Variants in CAST observed in about 807,000 individuals in gnomAD.
CAST encodes the protein calpastatin.
A neutral mutation model predicts 119.6 loss-of-function variants in CAST; 76 were observed. The ratio of observed to expected loss-of-function variants is 0.64; its 90% confidence interval spans 0.53 to 0.77. The LOEUF is 0.77. Ranked by LOEUF, CAST falls within the 30% of genes least tolerant of loss-of-function variation. The pLI, the probability that CAST is intolerant of heterozygous loss-of-function variation, is 0.00. For synonymous variants in CAST, 319 were observed against 331.6 expected (o/e 0.96, Z 0.41); for missense variants, 953 against 946.5 (o/e 1.01, Z -0.09).
At chr5:96,587,926 T>A (rs932617718) in intron 1 of CAST, among the ~76,000 whole-genome samples, 2 of 152,180 alleles carry the variant, frequency 1.3e-5, no homozygotes, top group Admixed American at 1.3e-4. Context: ...CTCTATGAGA[T>A]CATATGTGCA....
At chr5:96,656,446 C>T (rs976567286) in intron 1 of CAST, among the ~76,000 whole-genome samples, 1 of 152,210 alleles carries the variant, frequency 6.6e-6, no homozygotes, top group African/African-American at 2.4e-5. Flanking sequence ...CGTAAGGAAG[C>T]TCAGCCCTCT....
At chr5:96,757,391 C>T in intron 22 of CAST, 53 bp from the exon 23 acceptor site, 10 of 1,513,256 alleles carry the variant, frequency 6.6e-6, no homozygotes, top group Non-Finnish European at 9.2e-6. Context: ...AGGTTTCATA[C>T]TTTGGATAAA....
intron 1 of CAST, among the ~76,000 whole-genome samples, chr5:96,533,929 T>A (rs1390561192): frequency 6.6e-6 from 1 of 152,194 alleles, no homozygotes; most frequent in Non-Finnish European, 1.5e-5. Context: ...AGACTATGGT[T>A]AGTCAAACTT....
chr5:96,683,831 A>G (rs879468581), intron 2 of CAST, among the ~76,000 whole-genome samples: 3 of 152,250 alleles, frequency 2.0e-5, no homozygotes, highest in Non-Finnish European at 4.4e-5. Flanking sequence ...TTATGTAGAC[A>G]TTAAAGCAAT....
chr5:96,606,291 T>C (rs1252561074), intron 1 of CAST, among the ~76,000 whole-genome samples: 1 of 152,246 alleles, frequency 6.6e-6, no homozygotes, highest in Non-Finnish European at 1.5e-5. Flanking sequence ...TTAACCAGTA[T>C]TTAAACCGTA....
the CAST span, among the ~76,000 whole-genome samples, chr5:96,049,234 A>C: frequency 6.6e-6 from 1 of 152,200 alleles, no homozygotes; most frequent in Non-Finnish European, 1.5e-5. Context: ...ATTTTAAAAA[A>C]AGAAGAGCTG....
At chr5:96,469,889 T>TAATATATATATATAC in the CAST span, among the ~76,000 whole-genome samples, 4 of 145,172 alleles carry the variant, frequency 2.8e-5, no homozygotes, top group African/African-American at 1.0e-4. Flanking sequence ...AATATATATA[T>TAATATATATATATAC]ACACACACAT....
At chr5:96,743,823 C>A (rs1158393303) in intron 16 of CAST, 3 of 981,500 alleles carry the variant, frequency 3.1e-6, no homozygotes, top group Non-Finnish European at 4.5e-6. Flanking sequence ...CCGACAGAAG[C>A]AGTGTCATCT....
the CAST span, among the ~76,000 whole-genome samples, chr5:96,057,850 T>C: frequency 2.0e-5 from 3 of 152,180 alleles, no homozygotes; most frequent in East Asian, 5.8e-4. Context: ...CATTTATCTA[T>C]GTTAGATGTT....
intron 1 of CAST, among the ~76,000 whole-genome samples, chr5:96,534,387 G>A (rs955035473): frequency 1.3e-4 from 12 of 90,900 alleles, no homozygotes; most frequent in African/African-American, 4.2e-4. Flanking sequence ...GTCCTGTTTC[G>A]GTGAAGTATA....
At chr5:96,691,322 A>G (rs1345784221) in intron 2 of CAST, among the ~76,000 whole-genome samples, 1 of 152,166 alleles carries the variant, frequency 6.6e-6, no homozygotes, top group Non-Finnish European at 1.5e-5. Context: ...AACCTAACAA[A>G]GCTTGAAAGC....
the CAST span, among the ~76,000 whole-genome samples, chr5:96,512,855 T>C: frequency 2.0e-5 from 3 of 152,202 alleles, no homozygotes; most frequent in South Asian, 4.1e-4. Flanking sequence ...TTTTCAGATA[T>C]TAGGAACACA....
chr5:96,041,904 A>G, the CAST span, among the ~76,000 whole-genome samples: 1 of 152,144 alleles, frequency 6.6e-6, no homozygotes, highest in Admixed American at 6.6e-5. Context: ...TTCCAGAGGT[A>G]GAGCCAGTGA....
At chr5:96,306,815 T>G in the CAST span, among the ~76,000 whole-genome samples, 36,637 of 152,134 alleles carry the variant, frequency 0.24, 5,192 homozygotes, top group East Asian at 0.33. Flanking sequence ...TCTGAGAGAC[T>G]GTTTCTTATG....
chr5:96,652,390 A>T (rs1748106004), intron 1 of CAST, among the ~76,000 whole-genome samples: 1 of 152,236 alleles, frequency 6.6e-6, no homozygotes, highest in Non-Finnish European at 1.5e-5. Flanking sequence ...TTAAACAAAG[A>T]TAATTGGTGT....
intron 1 of CAST, among the ~76,000 whole-genome samples, chr5:96,577,431 T>G (rs1408336738): frequency 6.6e-6 from 1 of 152,070 alleles, no homozygotes. Flanking sequence ...GTCTGGGGCT[T>G]ATTTTTCTCT....
At chr5:96,434,178 G>C in the CAST span, 1 of 152,226 alleles carries the variant, frequency 6.6e-6, no homozygotes, top group African/African-American at 2.4e-5. Flanking sequence ...ATGGTTTCCT[G>C]TGGGAGGAGA....
At chr5:96,604,919 C>T (rs911587806) in intron 1 of CAST, among the ~76,000 whole-genome samples, 1 of 152,160 alleles carries the variant, frequency 6.6e-6, no homozygotes, top group African/African-American at 2.4e-5. Flanking sequence ...GCTGCCTTGC[C>T]ACTTGTCCAG....
chr5:96,621,410 A>G (rs1231283642), intron 1 of CAST, among the ~76,000 whole-genome samples: 1 of 152,222 alleles, frequency 6.6e-6, no homozygotes, highest in Non-Finnish European at 1.5e-5. Context: ...TGGGTAATTT[A>G]TAAAGGAGAG....
Sources: allele counts gnomAD v4.1 joint callset (sites outside exome capture counted in the v4.1 genomes callset), GRCh38; gene constraint gnomAD v4.1.1; transcripts MANE v1.5; gene names NCBI Gene and HGNC (gene_info 2026-07-23, HGNC 2026-07-21).